GSAP: variants seen among roughly 807,000 people sequenced by gnomAD.
GSAP encodes gamma-secretase activating protein.
GSAP carries 118 observed loss-of-function variants against 131.7 expected under a neutral mutation model. That is an observed-to-expected ratio of 0.90 (90% CI 0.77 to 1.04). GSAP has a LOEUF of 1.04. Among genes scored for constraint, GSAP ranks in the 50% least tolerant of loss-of-function variants. GSAP has a pLI of 0.00. For synonymous variants in GSAP, 381 were observed against 363.4 expected (o/e 1.05, Z -0.55); for missense variants, 1,019 against 1,013.2 (o/e 1.01, Z -0.08).
At chr7:77,331,094 A>G (rs954792768) in intron 19 of GSAP, among the ~76,000 whole-genome samples, 3 of 152,146 alleles carry the variant, frequency 2.0e-5, no homozygotes, top group Non-Finnish European at 2.9e-5. Context: ...TGGGCGGATC[A>G]CGAAGTCAGG....
rs144909053 is a variant in GSAP, at chr7:77,339,291, G to A, written c.1546-8924C>T. On this transcript the variant is annotated intron_variant, in intron 19 of 30. Transcript: ENST00000257626. ...GTGGTATTACGCGAGCAGAGATGAG[G>A]AAACAAATGAGAAATAGCAGGATCA... is the stretch of plus-strand genomic sequence containing the variant. Among the ~76,000 whole-genome samples the A allele has an allele frequency of 5.0e-4, 76 of 152,230 alleles. No homozygotes were observed. The East Asian group carries it at 8.3e-3, about 17-fold the overall frequency.
intron 5 of GSAP, among the ~76,000 whole-genome samples, chr7:77,395,432 G>A (rs117570098): frequency 1.4e-4 from 21 of 152,240 alleles, no homozygotes; most frequent in Middle Eastern, 6.8e-3. Flanking sequence ...GAACACTAAT[G>A]TCCCAGATCG....
At position 77,311,169 on chromosome 7, in the gene GSAP, CT is replaced by C; in HGVS notation, c.*188del. 1 of 544,306 alleles carries C rather than the reference CT, an allele frequency of 1.8e-6. No individual in the cohort carries two copies. Among genetic ancestry groups the C allele is most frequent in the Non-Finnish European group, 3.3e-6 (1 of 304,278 alleles). The allele number at this position is 544,306 out of a possible 1,614,324, so 33.7% of individuals were successfully genotyped here. ...TTCTCTACACTTGATTGCTCACTGG[CT>C]ATTCAAAATTGGAATGTGATACAGC... On this transcript the variant is annotated 3_prime_UTR_variant, in exon 31 of 31. Transcript: ENST00000257626.
intron 21 of GSAP, 48 bp downstream of exon 21, chr7:77,329,285 G>A (rs764830567): frequency 9.6e-7 from 1 of 1,042,222 alleles, no homozygotes; most frequent in Non-Finnish European, 1.4e-6. Context: ...CAAAGTAATT[G>A]TAAATGTCAA....
At chr7:77,374,637 A>G (rs1378341777) in intron 11 of GSAP, among the ~76,000 whole-genome samples, 1 of 151,614 alleles carries the variant, frequency 6.6e-6, no homozygotes, top group African/African-American at 2.4e-5. Context: ...TTGTGTAAAA[A>G]GGAAAACAGA....
At chr7:77,383,343 C>G (rs77053278) in intron 6 of GSAP, among the ~76,000 whole-genome samples, 1 of 145,522 alleles carries the variant, frequency 6.9e-6, no homozygotes, top group Non-Finnish European at 1.5e-5. Context: ...CACACACACA[C>G]AGAGGTCGAT....
Position 77,377,389 on chromosome 7 carries a change from A to G in GSAP, c.578T>C (p.Val193Ala), listed in dbSNP as rs773959527. ...TGGGAGATGGCCAGAATTTTTAATC[A>G]CCTAAAAATGCAAAAAAAAAAAAAA... ...HVAQEDGNRV[V>A]IKNSGHLPRD... The change falls in exon 9 of 31, where the codon GTG becomes GCG. Residue 193 changes from valine (V) to alanine (A), a missense_variant and splice_region_variant. Transcript: ENST00000257626. 3 of 1,493,338 alleles carry G rather than the reference A, an allele frequency of 2.0e-6. No homozygotes were observed. Among genetic ancestry groups the G allele is most frequent in the South Asian group, 2.5e-5 (2 of 78,998 alleles). 92.5% of individuals were successfully genotyped at this position (1,493,338 alleles called of 1,614,324 possible).
At chr7:77,402,752 G>A (rs906839093) in intron 3 of GSAP, among the ~76,000 whole-genome samples, 24 of 150,614 alleles carry the variant, frequency 1.6e-4, no homozygotes, top group African/African-American at 5.3e-4. Context: ...GAGAAGGGGA[G>A]GGTTTGTTTA....
intron 12 of GSAP, among the ~76,000 whole-genome samples, chr7:77,371,018 G>A (rs1274718658): frequency 6.6e-6 from 1 of 151,762 alleles, no homozygotes; most frequent in African/African-American, 2.4e-5. Flanking sequence ...ATTCATAAGT[G>A]TCCTCCCTCC....
At chr7:77,335,936 A>G (rs1324436371) in intron 19 of GSAP, among the ~76,000 whole-genome samples, 1 of 152,228 alleles carries the variant, frequency 6.6e-6, no homozygotes, top group Non-Finnish European at 1.5e-5. Context: ...TGACAGAATA[A>G]ATAGAAAATG....
intron 19 of GSAP, among the ~76,000 whole-genome samples, chr7:77,339,130 C>T (rs1378095878): frequency 6.6e-6 from 1 of 152,102 alleles, no homozygotes; most frequent in Non-Finnish European, 1.5e-5. Context: ...AGAACAGTCA[C>T]ATAACTGAGA....
intron 14 of GSAP, among the ~76,000 whole-genome samples, chr7:77,360,556 C>T (rs550739762): frequency 2.9e-4 from 44 of 152,180 alleles, no homozygotes; most frequent in African/African-American, 9.2e-4. Context: ...AGGCTGCTAC[C>T]AAAAAACATA....
intron 26 of GSAP, among the ~76,000 whole-genome samples, chr7:77,316,896 G>A (rs1227875459): frequency 1.3e-5 from 2 of 152,114 alleles, no homozygotes; most frequent in African/African-American, 4.8e-5. Flanking sequence ...TTTTTTAAAA[G>A]CAAATGCCCT....
At chr7:77,391,142 A>AAAAAAAAAG (rs1799458555) in intron 5 of GSAP, among the ~76,000 whole-genome samples, 2 of 139,430 alleles carry the variant, frequency 1.4e-5, no homozygotes, top group Non-Finnish European at 1.5e-5. Context: ...AAAAAAAAAA[A>AAAAAAAAAG]AAAAAGAAAA....
chr7:77,322,513 G>A (rs1397092347), intron 24 of GSAP, among the ~76,000 whole-genome samples: 1 of 151,950 alleles, frequency 6.6e-6, no homozygotes, highest in Non-Finnish European at 1.5e-5. Flanking sequence ...TAGCACTTTG[G>A]GAAGTAAGAT....
chr7:77,340,492 C>G (rs1392790330), intron 19 of GSAP, among the ~76,000 whole-genome samples: 2 of 152,200 alleles, frequency 1.3e-5, no homozygotes, highest in African/African-American at 4.8e-5. Context: ...GCCCAAGGAA[C>G]ATCTCACCAA....
chr7:77,377,260 G>C (rs752748970), intron 9 of GSAP, 26 bp downstream of exon 9: 1 of 1,007,394 alleles, frequency 9.9e-7, no homozygotes, highest in South Asian at 3.3e-5. Context: ...AAAAAAAAAG[G>C]AGTGCCCGTG....
chr7:77,380,580 G>A (rs1464672442), intron 8 of GSAP, among the ~76,000 whole-genome samples: 1 of 152,112 alleles, frequency 6.6e-6, no homozygotes, highest in African/African-American at 2.4e-5. Flanking sequence ...TTACTTGTAG[G>A]TAATGCCACA....
At chr7:77,341,481 A>C (rs1307000503) in intron 19 of GSAP, among the ~76,000 whole-genome samples, 1 of 152,160 alleles carries the variant, frequency 6.6e-6, no homozygotes, top group Non-Finnish European at 1.5e-5. Context: ...GACCTGCCCA[A>C]CAATTTCCTC....
Sources: gnomAD v4.1 joint callset for allele counts (sites outside exome capture counted in the v4.1 genomes callset) on GRCh38, gnomAD v4.1.1 for gene constraint, MANE v1.5 for transcripts, NCBI Gene and HGNC (gene_info 2026-07-23, HGNC 2026-07-21) for gene names.